DNAH14: variants seen among roughly 807,000 people sequenced by gnomAD.
DNAH14 encodes the protein dynein axonemal heavy chain 14.
Under a neutral mutation model 520.9 loss-of-function variants are expected in DNAH14, and 478 were observed. The observed-to-expected ratio is 0.92, with a 90% CI of 0.85 to 0.99. DNAH14 has a LOEUF of 0.99. DNAH14 is among the 50% of genes least tolerant of loss of function. The pLI, the probability that DNAH14 is intolerant of heterozygous loss-of-function variation, is 0.00. For synonymous variants in DNAH14, 1,581 were observed against 1,757.2 expected (o/e 0.90, Z 2.51); for missense variants, 4,831 against 5,234.5 (o/e 0.92, Z 2.38).
intron 55 of DNAH14, among the ~76,000 whole-genome samples, chr1:225,300,267 T>A (rs1421878407): frequency 6.6e-6 from 1 of 152,210 alleles, no homozygotes; most frequent in Non-Finnish European, 1.5e-5. Flanking sequence ...AATTCATTAT[T>A]GTACCCACTC....
intron 27 of DNAH14, among the ~76,000 whole-genome samples, chr1:225,133,196 C>A (rs1220411546): frequency 6.6e-6 from 1 of 152,022 alleles, no homozygotes; most frequent in Non-Finnish European, 1.5e-5. Flanking sequence ...ATGATAGTTT[C>A]TTTTGCTGTG....
intron 23 of DNAH14, among the ~76,000 whole-genome samples, chr1:225,102,137 G>A (rs1233760598): frequency 2.0e-5 from 3 of 148,646 alleles, no homozygotes; most frequent in Non-Finnish European, 3.0e-5. Context: ...GAGAACATGC[G>A]GTGTTTGGTT....
At position 225,039,750 on chromosome 1, in the gene DNAH14, C is replaced by T. The variant is rs886266913; in HGVS notation, c.1488+927C>T. Among the ~76,000 whole-genome samples the T allele has an allele frequency of 4.7e-5, 7 of 148,362 alleles. No homozygotes were observed. In the East Asian group the frequency reaches 1.0e-3, roughly 22 times the overall value. On this transcript the variant is annotated intron_variant, in intron 12 of 85. Transcript: ENST00000682510. ...AAAATTAGCCGGGCGTAGTGGCGGGCGCCTGTAGTCCCAGCTACTTGGGAG... is the reference window on the plus strand; with the variant it reads ...AAAATTAGCCGGGCGTAGTGGCGGGTGCCTGTAGTCCCAGCTACTTGGGAG...
At chr1:225,325,282 C>T (rs997203414) in intron 64 of DNAH14, among the ~76,000 whole-genome samples, 4 of 151,412 alleles carry the variant, frequency 2.6e-5, no homozygotes, top group South Asian at 2.1e-4. Context: ...GTCAGGAGTT[C>T]GAAACCAGCC....
At chr1:225,184,665 T>TG (rs777902532) in intron 36 of DNAH14, among the ~76,000 whole-genome samples, 73 of 151,664 alleles carry the variant, frequency 4.8e-4, no homozygotes, top group Non-Finnish European at 9.1e-4. Context: ...TCTCAGTAGA[T>TG]GCAGAAAAAG....
Position 225,123,547 on chromosome 1 carries a change from A to G in DNAH14, c.4187A>G (p.Glu1396Gly), listed in dbSNP as rs867704888. 7 of 430,854 alleles carry G rather than the reference A, an allele frequency of 1.6e-5. No individual in the cohort carries two copies. The highest frequency in any genetic ancestry group is 2.4e-5 in the Non-Finnish European group (5 of 206,694). 26.7% of individuals were successfully genotyped at this position (430,854 alleles called of 1,614,324 possible). A position where few individuals can be genotyped will look rare whatever the true frequency, so the allele number is the denominator to read the frequency against. ...TGTAGATTTTTAAGTCAAGGGATTG[A>G]AGACTGGAACTGCCAGATGTTTTCC... Reference protein sequence around the residue: ...VLKKFLSQGIEDWNCQMFSQW... With the variant: ...VLKKFLSQGIGDWNCQMFSQW... The change falls in exon 27 of 86, where the codon GAA becomes GGA. Residue 1396 changes from glutamate to glycine, a missense_variant. Coordinates refer to ENST00000682510, the MANE Select transcript of DNAH14 (RefSeq NM_001367479.1).
intron 8 of DNAH14, among the ~76,000 whole-genome samples, chr1:224,996,319 AATT>A (rs144609234): frequency 2.3e-5 from 3 of 127,836 alleles, no homozygotes; most frequent in African/African-American, 1.0e-4. Context: ...ACATCCACTG[AATT>A]ATTATTATTA....
At chr1:225,230,222 G>T (rs1332449877) in intron 41 of DNAH14, among the ~76,000 whole-genome samples, 2 of 152,074 alleles carry the variant, frequency 1.3e-5, no homozygotes, top group African/African-American at 4.8e-5. Context: ...AACAATGGAT[G>T]AATGGCTTAA....
At chr1:225,382,385 T>A (rs890187111) in intron 81 of DNAH14, among the ~76,000 whole-genome samples, 19 of 152,130 alleles carry the variant, frequency 1.2e-4, no homozygotes, top group African/African-American at 4.6e-4. Flanking sequence ...GCAATTTCAC[T>A]CCTAGGAATA....
Position 225,085,566 on chromosome 1 carries a change from T to A in DNAH14, c.3350T>A (p.Ile1117Lys). 1.3e-6 allele frequency: 2 copies of A among 1,546,748 alleles called. No individual in the cohort carries two copies. Among genetic ancestry groups the A allele is most frequent in the Non-Finnish European group, 1.7e-6 (2 of 1,142,960 alleles). The change falls in exon 21 of 86, where the codon ATA (isoleucine) becomes AAA (lysine). Residue 1117 changes from isoleucine to lysine, a missense_variant. Coordinates refer to ENST00000682510, the MANE Select transcript of DNAH14 (RefSeq NM_001367479.1). The stretch of plus-strand genomic sequence containing the variant: ...TAGATGTTTCAGTATGAAAATGAAA[T>A]AAATGATATGTCAACCTCAGCAACT... Reference protein sequence around the residue: ...ALKMFQYENEINDMSTSATNE... With the variant: ...ALKMFQYENEKNDMSTSATNE...
At chr1:225,334,843 T>A (rs2094879421) in intron 66 of DNAH14, among the ~76,000 whole-genome samples, 1 of 151,396 alleles carries the variant, frequency 6.6e-6, no homozygotes, top group Non-Finnish European at 1.5e-5. Flanking sequence ...CACTCCAGCA[T>A]GGGAGACAAG....
rs770064897 is a variant in DNAH14, at chr1:225,324,813, A to C, written c.9704A>C (p.Lys3235Thr). 4 of 1,551,524 alleles carry C rather than the reference A, an allele frequency of 2.6e-6. 1 individual carries two copies. In the South Asian group the frequency reaches 4.8e-5, roughly 18 times the overall value. The change falls in exon 64 of 86, where the codon AAA becomes ACA. Residue 3235 changes from lysine to threonine, a missense_variant. Coordinates refer to ENST00000682510, the MANE Select transcript of DNAH14 (RefSeq NM_001367479.1). ...LKIARQRLAEKQRGLQLVEEH... is the reference protein window; with the variant it reads ...LKIARQRLAETQRGLQLVEEH... Reference sequence around the variant, plus strand: ...ATTGCGCGACAAAGACTTGCTGAGAAACAAAGAGGTTTACAGCTGGTAAGA... The same window carrying C: ...ATTGCGCGACAAAGACTTGCTGAGACACAAAGAGGTTTACAGCTGGTAAGA...
chr1:225,353,936 C>CTTTATTATTATTTATTAGTA, intron 73 of DNAH14, 48 bp downstream of exon 73: 1 of 1,084,510 alleles, frequency 9.2e-7, no homozygotes, highest in Non-Finnish European at 1.3e-6. Flanking sequence ...ATTTTGAGTG[C>CTTTATTATTATTTATTAGTA]TTTATTAGTA....
chr1:225,246,348 G>A (rs190552277), intron 43 of DNAH14, among the ~76,000 whole-genome samples: 95 of 152,190 alleles, frequency 6.2e-4, no homozygotes, highest in African/African-American at 2.2e-3. Context: ...GACACCAAAA[G>A]CAGTTGCAAC....
intron 62 of DNAH14, 72 bp from the exon 63 acceptor site, chr1:225,324,150 G>A (rs2094608047): frequency 2.0e-6 from 3 of 1,513,832 alleles, no homozygotes; most frequent in Non-Finnish European, 2.7e-6. Context: ...TTTCAATCTA[G>A]TGTAGACTGG....
At chr1:225,117,356 C>CAAT (rs202179577) in intron 23 of DNAH14, among the ~76,000 whole-genome samples, 4 of 150,676 alleles carry the variant, frequency 2.7e-5, no homozygotes, top group Admixed American at 6.6e-5. Flanking sequence ...TTATTTTGAT[C>CAAT]AATAATAATA....
In DNAH14 at chr1:224,968,879, G is replaced by T; in HGVS notation, c.767+5G>T. 1 of 1,528,166 alleles carries T rather than the reference G, an allele frequency of 6.5e-7. No individual in the cohort carries two copies. The highest frequency in any genetic ancestry group is 8.8e-7 in the Non-Finnish European group (1 of 1,134,452). The allele number at this position is 1,528,166 out of a possible 1,614,324, so 94.7% of individuals were successfully genotyped here. On this transcript the variant is annotated splice_donor_5th_base_variant and intron_variant, in intron 7 of 85. Coordinates refer to ENST00000682510, the MANE Select transcript of DNAH14 (RefSeq NM_001367479.1). ...CAAGATATTTTCTGATTTCCGGTGAGGTGAAAAAAATGAAACCAATTCTTT... is the reference window on the plus strand; with the variant it reads ...CAAGATATTTTCTGATTTCCGGTGATGTGAAAAAAATGAAACCAATTCTTT...
intron 42 of DNAH14, among the ~76,000 whole-genome samples, chr1:225,234,490 C>G (rs2091413877): frequency 6.6e-6 from 1 of 152,098 alleles, no homozygotes; most frequent in South Asian, 2.1e-4. Flanking sequence ...GCCTGGCCAG[C>G]TTTGTTCTTT....
chr1:224,938,149 G>T (rs776372872), intron 1 of DNAH14, among the ~76,000 whole-genome samples: 7 of 152,112 alleles, frequency 4.6e-5, no homozygotes, highest in Non-Finnish European at 8.8e-5. Flanking sequence ...GATTTATTTT[G>T]TGTAAGACTT....
Sources: gnomAD v4.1 joint callset for allele counts (sites outside exome capture counted in the v4.1 genomes callset) on GRCh38, gnomAD v4.1.1 for gene constraint, MANE v1.5 for transcripts, NCBI Gene and HGNC (gene_info 2026-07-23, HGNC 2026-07-21) for gene names.